ZNF594: variants seen among roughly 807,000 people sequenced by gnomAD.
The protein encoded by ZNF594 is zinc finger protein 594, also known as zinc finger protein HZF18.
For synonymous variants in ZNF594, 336 were observed against 309.4 expected (o/e 1.09, Z -0.90); for missense variants, 1,037 against 964.6 (o/e 1.08, Z -0.99).
chr17:5,182,137 G>A lies in ZNF594; in HGVS notation c.2120C>T (p.Pro707Leu). The part of the protein sequence containing the change: ...QHRRLHSGEK[P>L]YECKECGKLF... The stretch of plus-strand genomic sequence containing the variant: ...TTTCCCACATTCCTTACATTCATAG[G>A]GTTTCTCACCACTATGAAGTCTCCG... Residue 707 changes from proline (P) to leucine (L), a missense_variant, in exon 2 of 2, where the codon CCC (proline) becomes CTC (leucine). Transcript: ENST00000575779. 1 of 1,613,452 alleles carries A rather than the reference G, an allele frequency of 6.2e-7. No homozygotes were observed. Among genetic ancestry groups the A allele is most frequent in the Middle Eastern group, 1.6e-4 (1 of 6,062 alleles).
chr17:5,183,251 T>C lies in ZNF594; in HGVS notation c.1006A>G (p.Thr336Ala), dbSNP rs757556199. 6.2e-6 allele frequency: 10 copies of C among 1,614,076 alleles called. No individual in the cohort carries two copies. In the East Asian group the frequency reaches 2.2e-4, roughly 36 times the overall value. Residue 336 changes from threonine to alanine, a missense_variant, in exon 2 of 2, where the codon ACA becomes GCA. Coordinates refer to ENST00000575779, the MANE Select transcript of ZNF594 (RefSeq NM_032530.2). ...AATCTCTGATGTTTAAGAAAAGCTG[T>C]GCGCCCACTGAAGGTCTTCCCACAT... is the stretch of plus-strand genomic sequence containing the variant. ...HRCGKTFSGR[T>A]AFLKHQRLHA...
At chr17:5,186,623 C>T (rs1235559826) in intron 1 of ZNF594, among the ~76,000 whole-genome samples, 4 of 152,220 alleles carry the variant, frequency 2.6e-5, no homozygotes, top group Admixed American at 2.6e-4. Context: ...TCTTTTCTAT[C>T]ACATTCTCAG....
downstream of ZNF594, among the ~76,000 whole-genome samples, chr17:5,176,814 G>T (rs907806760): frequency 6.6e-6 from 1 of 151,624 alleles, no homozygotes; most frequent in Non-Finnish European, 1.5e-5. Context: ...AATTAAAAAC[G>T]ATCAAAATGA....
intron 1 of ZNF594, among the ~76,000 whole-genome samples, chr17:5,189,716 G>A (rs745355181): frequency 2.2e-4 from 33 of 151,856 alleles, no homozygotes; most frequent in Non-Finnish European, 3.2e-4. Context: ...TAGAGAAAAG[G>A]TCTTGCTATG....
At position 5,183,610 on chromosome 17, in the gene ZNF594, C is replaced by G. The variant is rs527383509; in HGVS notation, c.647G>C (p.Cys216Ser). 5.5e-5 allele frequency: 88 copies of G among 1,614,194 alleles called. No individual in the cohort carries two copies. The South Asian group carries it at 9.3e-4, about 17-fold the overall frequency. ...SGGNPYECKECGKAFKGSSNL... is the reference protein window; with the variant it reads ...SGGNPYECKESGKAFKGSSNL... ...TGAGCTTCCCTTAAAAGCCTTCCCA[C>G]ACTCTTTGCACTCATAGGGATTCCC... Residue 216 changes from cysteine to serine, a missense_variant, in exon 2 of 2, where the codon TGT becomes TCT. By Grantham distance (112) the Cys-to-Ser change is moderately radical. Coordinates refer to ENST00000575779, the MANE Select transcript of ZNF594 (RefSeq NM_032530.2).
At position 5,182,367 on chromosome 17, in the gene ZNF594, C is replaced by G. The variant is rs1209796792; in HGVS notation, c.1890G>C (p.Gly630=). 6.2e-7 allele frequency: 1 copy of G among 1,613,500 alleles called. No homozygotes were observed. The highest frequency in any genetic ancestry group is 8.5e-7 in the Non-Finnish European group (1 of 1,179,970). ...GEKPYVCNKC[G]KSFRGSSDLI... is the part of the protein sequence containing the mutation. ...GATCTGAGCTACCCCTAAAAGATTTCCCACATTTGTTGCATACATAAGGTT... is the reference window on the plus strand; with the variant it reads ...GATCTGAGCTACCCCTAAAAGATTTGCCACATTTGTTGCATACATAAGGTT... Residue 630 remains glycine, a synonymous_variant, in exon 2 of 2, where the codon GGG becomes GGC. Coordinates refer to ENST00000575779, the MANE Select transcript of ZNF594 (RefSeq NM_032530.2).
chr17:5,182,858 T>C lies in ZNF594; in HGVS notation c.1399A>G (p.Lys467Glu). The C allele has an allele frequency of 6.2e-7, 1 of 1,614,122 alleles. No individual in the cohort carries two copies. Residue 467 changes from lysine (K) to glutamate (E), a missense_variant, in exon 2 of 2, where the codon AAA (lysine) becomes GAA (glutamate). Lys to Glu is a moderately conservative substitution (Grantham distance 56). Transcript: ENST00000575779. ...EKPYECSECG[K>E]AFSQRSHLVT... ...AGGTGTGACCTCTGGCTAAAGGCTTTCCCACATTCACTACATTCATAGGGT... is the reference window on the plus strand; with the variant it reads ...AGGTGTGACCTCTGGCTAAAGGCTTCCCCACATTCACTACATTCATAGGGT...
At chr17:5,177,830 T>G (rs2074316170), downstream of ZNF594, among the ~76,000 whole-genome samples, 2 of 152,012 alleles carry the variant, frequency 1.3e-5, no homozygotes, top group South Asian at 4.1e-4. Context: ...AGTGAGACTC[T>G]GTCCCCCAAA....
Position 5,191,000 on chromosome 17 carries a change from C to T in ZNF594, c.-21+748G>A, listed in dbSNP as rs529183116. Among the ~76,000 whole-genome samples, 134 of 152,276 alleles carry T rather than the reference C, an allele frequency of 8.8e-4. 1 individual carries two copies. The highest frequency in any genetic ancestry group is 3.1e-3 in the African/African-American group (129 of 41,558). The stretch of plus-strand genomic sequence containing the variant: ...TTATATTTTGTAACTGCATTTGTAA[C>T]CAATTAATTTTTCAACTTTTTGCCA... On this transcript the variant is annotated intron_variant, in intron 1 of 1. Transcript: ENST00000575779.
At chr17:5,184,489 G>C in intron 1 of ZNF594, 1 of 527,262 alleles carries the variant, frequency 1.9e-6, no homozygotes, top group African/African-American at 1.9e-5. Flanking sequence ...GTGCAGGCTG[G>C]AGCTGGGCTG....
rs2074355999 is a variant in ZNF594, at chr17:5,182,861, C to T, written c.1396G>A (p.Gly466Arg). The T allele has an allele frequency of 1.2e-6, 2 of 1,613,940 alleles. No individual in the cohort carries two copies. The highest frequency in any genetic ancestry group is 2.2e-5 in the South Asian group (2 of 91,074). Residue 466 changes from glycine to arginine, a missense_variant, in exon 2 of 2, where the codon GGG becomes AGG. Transcript: ENST00000575779. ...GEKPYECSEC[G>R]KAFSQRSHLV... ...TGTGACCTCTGGCTAAAGGCTTTCCCACATTCACTACATTCATAGGGTTTC... is the reference window on the plus strand; with the variant it reads ...TGTGACCTCTGGCTAAAGGCTTTCCTACATTCACTACATTCATAGGGTTTC...
At position 5,182,605 on chromosome 17, in the gene ZNF594, T is replaced by C. The variant is rs776016353; in HGVS notation, c.1652A>G (p.Gln551Arg). The C allele has an allele frequency of 2.5e-6, 4 of 1,613,684 alleles. No homozygotes were observed. In the Admixed American group the frequency reaches 5.0e-5, roughly 20 times the overall value. The change falls in exon 2 of 2, where the codon CAG becomes CGG. Residue 551 changes from glutamine to arginine, a missense_variant. Gln to Arg is a conservative substitution (Grantham distance 43, BLOSUM62 1). Coordinates refer to ENST00000575779, the MANE Select transcript of ZNF594 (RefSeq NM_032530.2). Reference sequence around the variant, plus strand: ...CTGCTCTCCCCTAAGCTCCTCATCCTGGCTGAAGGTTTTCTCACATTCAAG... The same window carrying C: ...CTGCTCTCCCCTAAGCTCCTCATCCCGGCTGAAGGTTTTCTCACATTCAAG... ...EKLECEKTFSQDEELRGEQKI... is the reference protein window; with the variant it reads ...EKLECEKTFSRDEELRGEQKI...
chr17:5,190,958 C>T (rs2074419200), intron 1 of ZNF594, among the ~76,000 whole-genome samples: 2 of 152,174 alleles, frequency 1.3e-5, no homozygotes, highest in African/African-American at 4.8e-5. Context: ...AGTTTAAGCC[C>T]GTGCAATTGG....
In ZNF594 at chr17:5,181,278, C is replaced by A; in HGVS notation, c.*555G>T. 6.2e-7 allele frequency: 1 copy of A among 1,612,654 alleles called. No homozygotes were observed. Among genetic ancestry groups the A allele is most frequent in the Non-Finnish European group, 8.5e-7 (1 of 1,178,648 alleles). ...TCTATGATGTCTCAGAAGGTCTGAG[C>A]TCTGATTGAAAGTTTTCCCACATTC... On this transcript the variant is annotated 3_prime_UTR_variant, in exon 2 of 2. Coordinates refer to ENST00000575779, the MANE Select transcript of ZNF594 (RefSeq NM_032530.2).
chr17:5,174,719 T>C (rs2074289188), downstream of ZNF594: 2 of 201,940 alleles, frequency 9.9e-6, no homozygotes, highest in South Asian at 1.9e-4. Context: ...ATTTGTGTTA[T>C]ACTGGTTGTA....
chr17:5,186,484 G>A (rs560933863), intron 1 of ZNF594, among the ~76,000 whole-genome samples: 2 of 152,368 alleles, frequency 1.3e-5, no homozygotes, highest in South Asian at 4.1e-4. Flanking sequence ...GATGGGAGGG[G>A]CTGCTGTGAA....
At position 5,184,894 on chromosome 17, in the gene ZNF594, G is replaced by C. The variant is rs373896134; in HGVS notation, c.-20-618C>G. On this transcript the variant is annotated intron_variant, in intron 1 of 1. Coordinates refer to ENST00000575779, the MANE Select transcript of ZNF594 (RefSeq NM_032530.2). ...GCAAACAAAGATGGGTGGATCTGGA[G>C]TTGAGAGGCAATAAATTAATAACCA... 8.8e-4 allele frequency among the ~76,000 whole-genome samples: 134 copies of C among 152,296 alleles called. 1 individual carries two copies. The South Asian group carries it at 0.027, about 31-fold the overall frequency.
rs2074355054 is a variant in ZNF594 at position 5,182,783 on chromosome 17, C to G, written c.1474G>C (p.Glu492Gln). Residue 492 changes from glutamate to glutamine, a missense_variant, in exon 2 of 2, where the codon GAA becomes CAA. Transcript: ENST00000575779. ...CGCCGCCTGAAGGCTTTCCCACATTCAGTGCACTGATAGGGCTTCTCTCCA... is the reference window on the plus strand; with the variant it reads ...CGCCGCCTGAAGGCTTTCCCACATTGAGTGCACTGATAGGGCTTCTCTCCA... Reference protein sequence around the residue: ...HTGEKPYQCTECGKAFRRRSL... With the variant: ...HTGEKPYQCTQCGKAFRRRSL... The G allele has an allele frequency of 1.2e-6, 2 of 1,613,990 alleles. No homozygotes were observed. Among genetic ancestry groups the G allele is most frequent in the African/African-American group, 1.3e-5 (1 of 74,908 alleles).
intron 1 of ZNF594, among the ~76,000 whole-genome samples, chr17:5,188,506 A>G (rs897958820): frequency 1.3e-5 from 2 of 152,090 alleles, no homozygotes; most frequent in African/African-American, 4.8e-5. Flanking sequence ...GTTAAGATAA[A>G]TTTGTGGGAT....
Sources: gnomAD v4.1 joint callset for allele counts (sites outside exome capture counted in the v4.1 genomes callset) on GRCh38, gnomAD v4.1.1 for gene constraint, MANE v1.5 for transcripts, NCBI Gene and HGNC (gene_info 2026-07-23, HGNC 2026-07-21) for gene names.